TSHZ2: variants seen among roughly 807,000 people sequenced by gnomAD.
The protein encoded by TSHZ2 is teashirt zinc finger homeobox 2.
Under a neutral mutation model 74.4 loss-of-function variants are expected in TSHZ2, and 21 were observed. The ratio of observed to expected loss-of-function variants is 0.28; its 90% CI spans 0.20 to 0.41. The LOEUF (loss-of-function observed/expected upper bound fraction) is 0.41, where lower values mean the gene tolerates loss of function less well. Among genes scored for constraint, TSHZ2 ranks in the 10% least tolerant of loss-of-function variants. The pLI is 1.00. For missense variants in TSHZ2, 1,244 were observed against 1,293.5 expected, an observed-to-expected ratio of 0.96 and a Z score of 0.59; for synonymous variants, 540 against 515.3, an observed-to-expected ratio of 1.05 and a Z score of -0.65.
At chr20:53,309,628 C>A (rs188162368) in intron 2 of TSHZ2, among the ~76,000 whole-genome samples, 51 of 152,268 alleles carry the variant, frequency 3.3e-4, no homozygotes, top group Admixed American at 2.6e-3. Context: ...TGTACATCTC[C>A]CAAATTAGCA....
chr20:53,099,382 G>C (rs1244466600), intron 1 of TSHZ2, among the ~76,000 whole-genome samples: 1 of 152,152 alleles, frequency 6.6e-6, no homozygotes, highest in African/African-American at 2.4e-5. Context: ...ACAAGGTCCA[G>C]CTTAGACTCG....
At chr20:53,185,401 G>A (rs1032098989) in intron 1 of TSHZ2, 35 of 1,256,614 alleles carry the variant, frequency 2.8e-5, no homozygotes, top group East Asian at 1.4e-4. Flanking sequence ...GTGGCCAGGC[G>A]AGGTGGTTCA....
chr20:53,227,281 CTCTG>C (rs1271271506), intron 1 of TSHZ2, among the ~76,000 whole-genome samples: 2 of 151,782 alleles, frequency 1.3e-5, no homozygotes, highest in African/African-American at 2.4e-5. Flanking sequence ...CCCGTGCAGC[CTCTG>C]TCTATTTATA....
At chr20:53,343,541 T>C (rs1980307125) in intron 2 of TSHZ2, among the ~76,000 whole-genome samples, 2 of 152,146 alleles carry the variant, frequency 1.3e-5, no homozygotes, top group Non-Finnish European at 2.9e-5. Flanking sequence ...GCAGGGTTTG[T>C]AAAGAAAACG....
chr20:52,979,181 T>A (rs1466192629), intron 1 of TSHZ2, among the ~76,000 whole-genome samples: 1 of 152,182 alleles, frequency 6.6e-6, no homozygotes, highest in African/African-American at 2.4e-5. Context: ...GGATTTATAA[T>A]TTCTTTTTTT....
At chr20:53,114,493 A>G (rs1257031681) in intron 1 of TSHZ2, among the ~76,000 whole-genome samples, 1 of 152,218 alleles carries the variant, frequency 6.6e-6, no homozygotes, top group African/African-American at 2.4e-5. Flanking sequence ...CGTATACAGT[A>G]AGCACTCCAT....
At chr20:53,307,828 G>A (rs577149743) in intron 2 of TSHZ2, among the ~76,000 whole-genome samples, 1 of 151,478 alleles carries the variant, frequency 6.6e-6, no homozygotes, top group Admixed American at 6.6e-5. Context: ...GATCTGGGCG[G>A]CTCTAAACCA....
chr20:53,195,823 GC>G (rs1165954747), intron 1 of TSHZ2, among the ~76,000 whole-genome samples: 1 of 152,170 alleles, frequency 6.6e-6, no homozygotes, highest in Non-Finnish European at 1.5e-5. Flanking sequence ...TCACGGAGCA[GC>G]CCTTCTCTCT....
intron 2 of TSHZ2, among the ~76,000 whole-genome samples, chr20:53,455,610 T>C (rs191709055): frequency 1.3e-5 from 2 of 152,236 alleles, no homozygotes; most frequent in Middle Eastern, 6.8e-3. Flanking sequence ...ATGTGCACAT[T>C]GTGCAGGTTA....
intron 1 of TSHZ2, among the ~76,000 whole-genome samples, chr20:53,227,440 T>C (rs576454107): frequency 2.4e-4 from 36 of 149,082 alleles, no homozygotes; most frequent in South Asian, 1.7e-3. Context: ...ATCTTTATTA[T>C]TGCCTTAGTA....
intron 2 of TSHZ2, among the ~76,000 whole-genome samples, chr20:53,410,727 G>C (rs1052475423): frequency 9.3e-5 from 14 of 149,930 alleles, no homozygotes; most frequent in African/African-American, 3.4e-4. Flanking sequence ...CCAGGTTGGA[G>C]TGCAGTGGAA....
At chr20:53,377,818 G>A (rs1274971548) in intron 2 of TSHZ2, among the ~76,000 whole-genome samples, 1 of 152,054 alleles carries the variant, frequency 6.6e-6, no homozygotes, top group African/African-American at 2.4e-5. Context: ...AGCCATGATC[G>A]GGCCACTGCA....
At chr20:53,165,718 G>C (rs1414847823) in intron 1 of TSHZ2, among the ~76,000 whole-genome samples, 3 of 152,212 alleles carry the variant, frequency 2.0e-5, no homozygotes, top group Admixed American at 1.3e-4. Context: ...TTAAGGCGTA[G>C]TTTGTGTCTC....
At chr20:53,419,173 G>A (rs1021745065) in intron 2 of TSHZ2, among the ~76,000 whole-genome samples, 4 of 152,216 alleles carry the variant, frequency 2.6e-5, no homozygotes, top group Non-Finnish European at 5.9e-5. Flanking sequence ...TTCTACTTGT[G>A]ACTCGGGCTC....
chr20:52,985,641 T>G (rs1981726260), intron 1 of TSHZ2, among the ~76,000 whole-genome samples: 1 of 152,224 alleles, frequency 6.6e-6, no homozygotes, highest in African/African-American at 2.4e-5. Flanking sequence ...GAAGGGCAGA[T>G]GTTGTGTCTC....
chr20:53,248,698 T>C (rs1157869733), intron 1 of TSHZ2, among the ~76,000 whole-genome samples: 1 of 152,224 alleles, frequency 6.6e-6, no homozygotes, highest in African/African-American at 2.4e-5. Flanking sequence ...TAGATTCTGA[T>C]GCTTTGAGGT....
At chr20:53,071,054 A>G (rs1228645675) in intron 1 of TSHZ2, among the ~76,000 whole-genome samples, 1 of 152,210 alleles carries the variant, frequency 6.6e-6, no homozygotes, top group East Asian at 1.9e-4. Flanking sequence ...GTAAGATGCT[A>G]ACACTCACAT....
chr20:53,474,005 T>C (rs1287199001), intron 2 of TSHZ2, among the ~76,000 whole-genome samples: 1 of 151,462 alleles, frequency 6.6e-6, no homozygotes, highest in Non-Finnish European at 1.5e-5. Context: ...TATGGGACTA[T>C]GTGAAAAGAC....
Position 53,492,026 on chromosome 20 carries a change from C to T in TSHZ2, c.*4891C>T, listed in dbSNP as rs1761052087. The T allele has an allele frequency of 7.4e-6, 1 of 135,356 alleles. No individual in the cohort carries two copies. Among genetic ancestry groups the T allele is most frequent in the African/African-American group, 2.8e-5 (1 of 36,228 alleles). 8.4% of individuals were successfully genotyped at this position (135,356 alleles called of 1,614,324 possible). ...TTTTGATAAGAAACCCCAGGAGAAACTTTTTGGTAAGAAACCTCAAAAAAT... is the reference window on the plus strand; with the variant it reads ...TTTTGATAAGAAACCCCAGGAGAAATTTTTTGGTAAGAAACCTCAAAAAAT... On this transcript the variant is annotated 3_prime_UTR_variant, in exon 3 of 3. Coordinates refer to ENST00000371497, the MANE Select transcript of TSHZ2 (RefSeq NM_173485.6).
Sources: allele counts gnomAD v4.1 joint callset (sites outside exome capture counted in the v4.1 genomes callset), GRCh38; gene constraint gnomAD v4.1.1; transcripts MANE v1.5; gene names NCBI Gene and HGNC (gene_info 2026-07-23, HGNC 2026-07-21).